The following TBL1X variants were observed in gnomAD, a reference collection of about 807,000 sequenced individuals.
The protein encoded by TBL1X is transducin beta like 1 X-linked.
TBL1X carries 10 observed loss-of-function variants against 50.7 expected under a neutral mutation model. The observed-to-expected ratio is 0.20, with a 90% CI of 0.12 to 0.33. The LOEUF is 0.33. Among genes scored for constraint, TBL1X ranks in the 10% least tolerant of loss-of-function variants. The pLI is 1.00. For missense variants in TBL1X, 340 were observed against 504.4 expected (o/e 0.67, Z 3.12); for synonymous variants, 190 against 214.7 (o/e 0.88, Z 1.01).
At position 9,631,208 on chromosome X, in the gene TBL1X, G is replaced by A. The variant is rs143634034; in HGVS notation, c.-130-9065G>A. 3.9e-3 allele frequency among the ~76,000 whole-genome samples: 430 copies of A among 111,155 alleles called. 1 individual carries two copies. Among genetic ancestry groups the A allele is most frequent in the African/African-American group, 0.013 (408 of 30,506 alleles). Reference sequence around the variant, plus strand: ...TTACACAGGTAAACTCGTGTCATGGGGGGTTTGTTGTACAGATTATTTTGT... The same window carrying A: ...TTACACAGGTAAACTCGTGTCATGGAGGGTTTGTTGTACAGATTATTTTGT... On this transcript the variant is annotated intron_variant, in intron 2 of 17. Transcript: ENST00000645353.
Position 9,569,823 on chromosome X carries a change from G to T in TBL1X, c.-131+67974G>T, listed in dbSNP as rs750138509. ...CTGGAGCCTAAAGGCTTTCCCATTA[G>T]GATAAATTAGAACTGGAAATTGTCA... On this transcript the variant is annotated intron_variant, in intron 2 of 17. Transcript: ENST00000645353. 4.4e-5 allele frequency among the ~76,000 whole-genome samples: 5 copies of T among 112,592 alleles called. No homozygotes were observed. In the East Asian group the frequency reaches 1.1e-3, roughly 25 times the overall value.
intron 2 of TBL1X, among the ~76,000 whole-genome samples, chrX:9,593,378 T>G (rs2082511570): frequency 9.2e-6 from 1 of 108,893 alleles, no homozygotes; most frequent in Non-Finnish European, 1.9e-5. Flanking sequence ...CTCCAGCCTG[T>G]GCAACAAGAG....
chrX:9,647,980 A>C (rs1191172043), intron 3 of TBL1X, among the ~76,000 whole-genome samples: 3 of 110,933 alleles, frequency 2.7e-5, no homozygotes, highest in African/African-American at 9.9e-5. Flanking sequence ...GACTCCTCAC[A>C]CTCTCCCCTT....
intron 2 of TBL1X, among the ~76,000 whole-genome samples, chrX:9,623,315 C>T (rs2082676891): frequency 8.9e-6 from 1 of 112,000 alleles, no homozygotes; most frequent in African/African-American, 3.2e-5. Context: ...CATTGGAACA[C>T]GGTTATACCC....
chrX:9,526,383 G>A (rs995245227), intron 2 of TBL1X, among the ~76,000 whole-genome samples: 2 of 111,867 alleles, frequency 1.8e-5, no homozygotes, highest in Non-Finnish European at 3.8e-5. Context: ...TTGGCATTCT[G>A]CTCTCAAGTC....
intron 13 of TBL1X, among the ~76,000 whole-genome samples, chrX:9,707,948 A>G (rs1470301618): frequency 1.8e-5 from 2 of 112,441 alleles, no homozygotes; most frequent in African/African-American, 3.2e-5. Context: ...TTAGAAAGCA[A>G]CCTGACCATA....
chrX:9,568,816 G>T (rs745757926), intron 2 of TBL1X, among the ~76,000 whole-genome samples: 20 of 109,540 alleles, frequency 1.8e-4, no homozygotes, highest in African/African-American at 6.7e-4. Flanking sequence ...TCTGTATGTT[G>T]TGTCTATCTG....
chrX:9,561,616 G>A (rs1466137680), intron 2 of TBL1X, among the ~76,000 whole-genome samples: 2 of 112,250 alleles, frequency 1.8e-5, no homozygotes, highest in Non-Finnish European at 3.8e-5. Context: ...CATGAATATG[G>A]AGGTGGCGGT....
At chrX:9,531,356 TGTGTG>T in intron 2 of TBL1X, among the ~76,000 whole-genome samples, 2 of 61,014 alleles carry the variant, frequency 3.3e-5, no homozygotes, top group Middle Eastern at 8.4e-3. Flanking sequence ...ACCTGGAGGG[TGTGTG>T]TGTGTGTGTG....
At position 9,709,122 on chromosome X, in the gene TBL1X, T is replaced by C. The variant is rs757645802; in HGVS notation, c.1237-126T>C. On this transcript the variant is annotated intron_variant, in intron 13 of 17. Coordinates refer to ENST00000645353, the MANE Select transcript of TBL1X (RefSeq NM_005647.4). ...TAGATGGCTGGTTGGGCTGTGCCCT[T>C]TGATGTCAGGCTGAAGCCGAAGACC... is the stretch of plus-strand genomic sequence containing the variant. 34 of 607,517 alleles carry C rather than the reference T, an allele frequency of 5.6e-5. No individual in the cohort carries two copies. In the Admixed American group the frequency reaches 5.7e-4, roughly 10 times the overall value. The allele number at this position is 607,517 out of a possible 1,213,427, so 50.1% of individuals were successfully genotyped here. A position where few individuals can be genotyped will look rare whatever the true frequency, so the allele number is the denominator to read the frequency against.
intron 2 of TBL1X, among the ~76,000 whole-genome samples, chrX:9,618,928 A>G (rs1038163538): frequency 1.8e-5 from 2 of 111,929 alleles, no homozygotes; most frequent in Non-Finnish European, 3.8e-5. Flanking sequence ...GGCATGTTGT[A>G]GGTTCAGAGT....
intron 2 of TBL1X, among the ~76,000 whole-genome samples, chrX:9,619,406 C>T (rs905245100): frequency 1.6e-4 from 18 of 112,038 alleles, no homozygotes; most frequent in African/African-American, 5.2e-4. Flanking sequence ...GCACTGTCCA[C>T]ACCCGCGGTG....
At chrX:9,594,179 C>G (rs1032593901) in intron 2 of TBL1X, among the ~76,000 whole-genome samples, 1 of 112,596 alleles carries the variant, frequency 8.9e-6, no homozygotes, top group African/African-American at 3.2e-5. Flanking sequence ...GGCTGTAATG[C>G]GCCAGGGCAA....
intron 2 of TBL1X, among the ~76,000 whole-genome samples, chrX:9,531,364 T>TGTGTGTGG (rs1428143130): frequency 5.1e-5 from 5 of 98,177 alleles, no homozygotes; most frequent in African/African-American, 8.2e-5. Flanking sequence ...GGTGTGTGTG[T>TGTGTGTGG]GTGTGTGTGT....
chrX:9,471,314 T>A (rs1462700540), intron 1 of TBL1X, among the ~76,000 whole-genome samples: 2 of 112,210 alleles, frequency 1.8e-5, no homozygotes, highest in Non-Finnish European at 3.8e-5. Context: ...GTGGTCTACC[T>A]GGTTGTGTGA....
At chrX:9,625,837 G>T (rs1340457106) in intron 2 of TBL1X, among the ~76,000 whole-genome samples, 1 of 112,220 alleles carries the variant, frequency 8.9e-6, no homozygotes, top group African/African-American at 3.2e-5. Flanking sequence ...TACTCGGGAG[G>T]CCGAGGCAGG....
intron 2 of TBL1X, among the ~76,000 whole-genome samples, chrX:9,512,059 A>G (rs1017491323): frequency 9.1e-6 from 1 of 110,411 alleles, no homozygotes; most frequent in Admixed American, 9.6e-5. Flanking sequence ...GGGTCTCCCT[A>G]TGTTGCCCAG....
At chrX:9,715,323 CGGGAACGTTTT>C (rs752799304) in intron 17 of TBL1X, among the ~76,000 whole-genome samples, 21 of 112,085 alleles carry the variant, frequency 1.9e-4, no homozygotes, top group African/African-American at 6.8e-4. Context: ...CGCTTAATGA[CGGGAACGTTTT>C]GGGAAATGTG....
intron 2 of TBL1X, among the ~76,000 whole-genome samples, chrX:9,585,840 C>T (rs985298557): frequency 8.9e-5 from 10 of 112,072 alleles, no homozygotes; most frequent in Non-Finnish European, 1.1e-4. Context: ...TTCTGAGGTA[C>T]TGGGCGCTAG....
Sources: gnomAD v4.1 joint callset for allele counts (sites outside exome capture counted in the v4.1 genomes callset) on GRCh38, gnomAD v4.1.1 for gene constraint, MANE v1.5 for transcripts, NCBI Gene and HGNC (gene_info 2026-07-23, HGNC 2026-07-21) for gene names.